Variants in KCNMB2 observed in about 807,000 individuals in gnomAD.
KCNMB2 encodes the protein calcium-activated potassium channel subunit beta-2.
Under a neutral mutation model 24.5 loss-of-function variants are expected in KCNMB2, and 9 were observed. That is an observed-to-expected ratio of 0.37 (90% CI 0.22 to 0.64). KCNMB2 has a LOEUF of 0.64. Among genes scored for constraint, KCNMB2 ranks in the 30% least tolerant of loss-of-function variants. KCNMB2 has a pLI of 0.63. For synonymous variants in KCNMB2, 109 were observed against 104.4 expected (o/e 1.04, Z -0.27); for missense variants, 226 against 284.3 (o/e 0.79, Z 1.47).
chr3:178,651,215 A>C (rs1037235780), intron 1 of KCNMB2, among the ~76,000 whole-genome samples: 19 of 152,224 alleles, frequency 1.2e-4, no homozygotes, highest in African/African-American at 4.6e-4. Context: ...GCAACATCTC[A>C]GGATAAAAAT....
At chr3:178,762,379 C>T (rs1341117281) in intron 1 of KCNMB2, among the ~76,000 whole-genome samples, 3 of 152,124 alleles carry the variant, frequency 2.0e-5, no homozygotes, top group Non-Finnish European at 2.9e-5. Flanking sequence ...CCTGAGAAGA[C>T]GTGGCATGTC....
rs567624023 is a variant in KCNMB2 at position 178,686,481 on chromosome 3, T to C, written c.-67-120862T>C. ...GGTAAAGACGTTCTTTTCTTCTGAG[T>C]ATGGGAAGGGCACCTCTCAAATGAG... On this transcript the variant is annotated intron_variant, in intron 1 of 4. Transcript: ENST00000452583. Among the ~76,000 whole-genome samples, 105 of 152,252 alleles carry C rather than the reference T, an allele frequency of 6.9e-4. No individual in the cohort carries two copies. The Middle Eastern group carries it at 0.034, about 49-fold the overall frequency.
intron 1 of KCNMB2, among the ~76,000 whole-genome samples, chr3:178,643,048 T>C (rs1719782652): frequency 6.6e-6 from 1 of 152,200 alleles, no homozygotes; most frequent in South Asian, 2.1e-4. Flanking sequence ...GTCCCTTTGG[T>C]ACACAATAGC....
chr3:178,668,185 C>T (rs1720784819), intron 1 of KCNMB2, among the ~76,000 whole-genome samples: 1 of 152,106 alleles, frequency 6.6e-6, no homozygotes, highest in Non-Finnish European at 1.5e-5. Flanking sequence ...TAGTCCTTTT[C>T]ACATTTATCA....
At chr3:178,813,417 ATGTG>A (rs1456611368) in intron 2 of KCNMB2, among the ~76,000 whole-genome samples, 1 of 152,166 alleles carries the variant, frequency 6.6e-6, no homozygotes, top group East Asian at 1.9e-4. Flanking sequence ...TATGTTATAT[ATGTG>A]TTTTTACTGC....
At chr3:178,759,662 G>GTA (rs1711628515) in intron 1 of KCNMB2, among the ~76,000 whole-genome samples, 1 of 62,840 alleles carries the variant, frequency 1.6e-5, no homozygotes, top group East Asian at 4.4e-4. Flanking sequence ...TCTCCAAGAG[G>GTA]GATATATATA....
chr3:178,828,163 C>T lies in KCNMB2; in HGVS notation c.228-15C>T, dbSNP rs747083799. On this transcript the variant is annotated splice_polypyrimidine_tract_variant and intron_variant, in intron 3 of 4. Coordinates refer to ENST00000452583, the MANE Select transcript of KCNMB2 (RefSeq NM_181361.3). ...GCTCTTGGGCCTGTGTTTACTCTCA[C>T]CCCTTTCTCTGCAGCGTGTGGACCG... 3.1e-6 allele frequency: 5 copies of T among 1,605,110 alleles called. No individual in the cohort carries two copies. The highest frequency in any genetic ancestry group is 2.2e-5 in the East Asian group (1 of 44,804).
chr3:178,773,223 G>T (rs1712446854), intron 1 of KCNMB2, among the ~76,000 whole-genome samples: 2 of 152,090 alleles, frequency 1.3e-5, no homozygotes, highest in Non-Finnish European at 2.9e-5. Context: ...TTTGTTCAAG[G>T]CTTAGAGAGT....
At chr3:178,625,487 G>A (rs1577057626) in intron 1 of KCNMB2, among the ~76,000 whole-genome samples, 1 of 152,218 alleles carries the variant, frequency 6.6e-6, no homozygotes, top group African/African-American at 2.4e-5. Flanking sequence ...GCCGGGGTGG[G>A]GAGGTGGGCC....
chr3:178,664,203 G>A (rs1720636124), intron 1 of KCNMB2, among the ~76,000 whole-genome samples: 1 of 152,062 alleles, frequency 6.6e-6, no homozygotes, highest in East Asian at 1.9e-4. Context: ...CCTGTAAATT[G>A]TAAATGTCCA....
chr3:178,564,382 C>T (rs1351671985), intron 1 of KCNMB2, among the ~76,000 whole-genome samples: 4 of 152,038 alleles, frequency 2.6e-5, no homozygotes, highest in Non-Finnish European at 4.4e-5. Flanking sequence ...CTGACTGAGA[C>T]AAGAAATTCA....
intron 1 of KCNMB2, among the ~76,000 whole-genome samples, chr3:178,630,640 A>C (rs1160643490): frequency 6.6e-6 from 1 of 152,186 alleles, no homozygotes; most frequent in Non-Finnish European, 1.5e-5. Context: ...GTTTATAGTA[A>C]ATTAATTCAA....
At chr3:178,622,604 A>T (rs1336287382) in intron 1 of KCNMB2, among the ~76,000 whole-genome samples, 1 of 152,214 alleles carries the variant, frequency 6.6e-6, no homozygotes, top group African/African-American at 2.4e-5. Flanking sequence ...GCAAGGTTGA[A>T]CCAATCACCA....
chr3:178,565,628 CT>C (rs1716491426), intron 1 of KCNMB2, among the ~76,000 whole-genome samples: 1 of 152,146 alleles, frequency 6.6e-6, no homozygotes, highest in Non-Finnish European at 1.5e-5. Flanking sequence ...TAGAGCAGGT[CT>C]AACTATTCGA....
At chr3:178,650,678 G>A (rs912391644) in intron 1 of KCNMB2, among the ~76,000 whole-genome samples, 10 of 152,004 alleles carry the variant, frequency 6.6e-5, no homozygotes, top group African/African-American at 1.9e-4. Context: ...CTGGCAAACC[G>A]AATCCAGCAG....
chr3:178,757,830 C>CATCCAAGAGGATATATATATATATAT (rs774991483), intron 1 of KCNMB2, among the ~76,000 whole-genome samples: 2,124 of 46,164 alleles, frequency 0.046, 383 homozygotes, highest in African/African-American at 0.056. Context: ...TATACACATC[C>CATCCAAGAGGATATATATATATATAT]ATCCAAGAGG....
chr3:178,585,193 T>C (rs1223346706), intron 1 of KCNMB2, among the ~76,000 whole-genome samples: 1 of 150,724 alleles, frequency 6.6e-6, no homozygotes, highest in Non-Finnish European at 1.5e-5. Context: ...GAAACGCTTA[T>C]GTTTTTCAGA....
chr3:178,765,795 T>A (rs1057080433), intron 1 of KCNMB2, among the ~76,000 whole-genome samples: 7 of 152,184 alleles, frequency 4.6e-5, no homozygotes, highest in Non-Finnish European at 1.0e-4. Context: ...AAAATTGCTA[T>A]CCTAGACCAT....
At chr3:178,635,252 A>T (rs1719475307) in intron 1 of KCNMB2, among the ~76,000 whole-genome samples, 1 of 152,206 alleles carries the variant, frequency 6.6e-6, no homozygotes, top group East Asian at 1.9e-4. Context: ...AGAGCTAAGA[A>T]CCAGCACCAT....
Sources: allele counts gnomAD v4.1 joint callset (sites outside exome capture counted in the v4.1 genomes callset), GRCh38; gene constraint gnomAD v4.1.1; transcripts MANE v1.5; gene names NCBI Gene and HGNC (gene_info 2026-07-23, HGNC 2026-07-21).